RNF216: variants seen among roughly 807,000 people sequenced by gnomAD.
The protein encoded by RNF216 is ring finger protein 216, also known as E3 ubiquitin-protein ligase RNF216.
A neutral mutation model predicts 110.8 loss-of-function variants in RNF216; 72 were observed. The ratio of observed to expected loss-of-function variants is 0.65; its 90% confidence interval spans 0.54 to 0.79. RNF216 has a LOEUF of 0.79. RNF216 is among the 30% of genes least tolerant of loss of function. The pLI, the probability that RNF216 is intolerant of heterozygous loss-of-function variation, is 0.00. For missense variants in RNF216, 1,342 were observed against 1,141.2 expected, an observed-to-expected ratio of 1.18 and a Z score of -2.54; for synonymous variants, 495 against 407.5, an observed-to-expected ratio of 1.21 and a Z score of -2.59.
At chr7:5,625,857 T>TTCTCC (rs1372867878) in intron 15 of RNF216, among the ~76,000 whole-genome samples, 1,585 of 152,354 alleles carry the variant, frequency 0.01, 25 homozygotes, top group African/African-American at 0.036. Flanking sequence ...GATGACACTA[T>TTCTCC]TAAATTCTCC....
At chr7:5,658,018 A>T (rs1788854291) in intron 13 of RNF216, among the ~76,000 whole-genome samples, 1 of 152,254 alleles carries the variant, frequency 6.6e-6, no homozygotes, top group Non-Finnish European at 1.5e-5. Context: ...AATCAAGCAC[A>T]GCATAATGGG....
At chr7:5,734,307 A>G (rs1794263388) in intron 5 of RNF216, among the ~76,000 whole-genome samples, 1 of 152,208 alleles carries the variant, frequency 6.6e-6, no homozygotes, top group African/African-American at 2.4e-5. Context: ...CCCTACATGA[A>G]TAAACTTAAC....
intron 1 of RNF216, chr7:5,779,906 A>C (rs1183982983): frequency 6.6e-6 from 1 of 151,600 alleles, no homozygotes; most frequent in Admixed American, 6.6e-5. Context: ...TACTACATCT[A>C]AAACGCCACT....
chr7:5,688,617 T>C (rs1791132362), intron 13 of RNF216, among the ~76,000 whole-genome samples: 1 of 152,204 alleles, frequency 6.6e-6, no homozygotes, highest in African/African-American at 2.4e-5. Context: ...ATCCTTTACA[T>C]TTATACAAAG....
At chr7:5,700,191 T>C (rs114937363) in intron 13 of RNF216, among the ~76,000 whole-genome samples, 5,997 of 152,238 alleles carry the variant, frequency 0.039, 170 homozygotes, top group East Asian at 0.072. Context: ...TGCAGTGCTC[T>C]GTGCTGAGAA....
chr7:5,704,056 T>C (rs1033931355), intron 13 of RNF216, among the ~76,000 whole-genome samples: 1 of 152,170 alleles, frequency 6.6e-6, no homozygotes, highest in Non-Finnish European at 1.5e-5. Flanking sequence ...ATTCTTTATC[T>C]GAGAACACAC....
intron 11 of RNF216, 77 bp from the exon 12 acceptor site, chr7:5,712,940 A>C: frequency 6.8e-6 from 9 of 1,324,126 alleles, no homozygotes; most frequent in Non-Finnish European, 9.3e-6. Flanking sequence ...GTGGTTAAAA[A>C]CATAGATCCT....
intron 1 of RNF216, among the ~76,000 whole-genome samples, chr7:5,766,311 AC>A (rs1305253411): frequency 6.6e-6 from 1 of 152,044 alleles, no homozygotes. Flanking sequence ...ACAAAAACAA[AC>A]AAAAAAATCC....
chr7:5,656,112 T>C (rs1788723809), intron 13 of RNF216, among the ~76,000 whole-genome samples: 1 of 152,036 alleles, frequency 6.6e-6, no homozygotes, highest in South Asian at 2.1e-4. Context: ...CTACTAAAAA[T>C]ACAAAAATTA....
At chr7:5,684,774 A>C (rs549985977) in intron 13 of RNF216, among the ~76,000 whole-genome samples, 1 of 152,188 alleles carries the variant, frequency 6.6e-6, no homozygotes, top group African/African-American at 2.4e-5. Context: ...AGGAAAAACA[A>C]AACTTTACCT....
rs143035647 is a variant in RNF216 at position 5,694,355 on chromosome 7, G to C, written c.2061+17406C>G. On this transcript the variant is annotated intron_variant, in intron 13 of 16. Coordinates refer to ENST00000389902, the MANE Select transcript of RNF216 (RefSeq NM_207111.4). ...ATATTCTCTTTAAGGAATGACTTCT[G>C]AGTTAACTTTTGATTCAGATCCAAT... Among the ~76,000 whole-genome samples the C allele has an allele frequency of 1.3e-4, 20 of 152,296 alleles. No homozygotes were observed. In the East Asian group the frequency reaches 1.7e-3, roughly 13 times the overall value.
chr7:5,651,370 G>T (rs942085239), intron 14 of RNF216, among the ~76,000 whole-genome samples: 1 of 152,038 alleles, frequency 6.6e-6, no homozygotes, highest in East Asian at 1.9e-4. Context: ...GGGACTACAG[G>T]TGCGTGCCCA....
intron 10 of RNF216, among the ~76,000 whole-genome samples, chr7:5,716,212 A>C (rs913646708): frequency 6.6e-6 from 1 of 152,042 alleles, no homozygotes; most frequent in Non-Finnish European, 1.5e-5. Flanking sequence ...TCTTAATACC[A>C]CATTAGAAAG....
rs183131473 is a variant in RNF216 at position 5,712,374 on chromosome 7, G to A, written c.1982+341C>T. 7.2e-5 allele frequency among the ~76,000 whole-genome samples: 11 copies of A among 152,150 alleles called. No homozygotes were observed. In the East Asian group the frequency reaches 2.1e-3, roughly 29 times the overall value. On this transcript the variant is annotated intron_variant, in intron 12 of 16. Transcript: ENST00000389902. ...TGTAATCCAGGCTACTCAGGAGGCTGAGGCATGAGAATTGCTTGAACTCAG... is the reference window on the plus strand; with the variant it reads ...TGTAATCCAGGCTACTCAGGAGGCTAAGGCATGAGAATTGCTTGAACTCAG...
intron 1 of RNF216, among the ~76,000 whole-genome samples, chr7:5,779,174 A>G (rs1487154663): frequency 6.6e-6 from 1 of 152,262 alleles, no homozygotes; most frequent in Non-Finnish European, 1.5e-5. Context: ...AGCTGGTAGT[A>G]GAATCAGCAA....
intron 15 of RNF216, among the ~76,000 whole-genome samples, chr7:5,635,336 T>A (rs1787334772): frequency 1.3e-5 from 2 of 151,258 alleles, no homozygotes; most frequent in African/African-American, 4.9e-5. Context: ...ATGACAGTGA[T>A]GAGAAATAAC....
At chr7:5,688,008 G>A (rs377055344) in intron 13 of RNF216, among the ~76,000 whole-genome samples, 8 of 152,122 alleles carry the variant, frequency 5.3e-5, no homozygotes, top group East Asian at 1.9e-4. Flanking sequence ...AAAAACAGCC[G>A]TTTTGACAAT....
chr7:5,779,836 A>AAAG, intron 1 of RNF216: 1 of 151,006 alleles, frequency 6.6e-6, no homozygotes, highest in East Asian at 1.9e-4. Flanking sequence ...CTCAAAAAAA[A>AAAG]AAAAAAAATG....
At chr7:5,721,544 G>A (rs1410184819) in intron 8 of RNF216, among the ~76,000 whole-genome samples, 1 of 152,226 alleles carries the variant, frequency 6.6e-6, no homozygotes, top group Non-Finnish European at 1.5e-5. Context: ...GTGAATGTAT[G>A]TCCGCAATTT....
Sources: gnomAD v4.1 joint callset for allele counts (sites outside exome capture counted in the v4.1 genomes callset) on GRCh38, gnomAD v4.1.1 for gene constraint, MANE v1.5 for transcripts, NCBI Gene and HGNC (gene_info 2026-07-23, HGNC 2026-07-21) for gene names.